IQCH: variants seen among roughly 807,000 people sequenced by gnomAD.
IQCH encodes IQ domain-containing protein H.
A neutral mutation model predicts 117.0 loss-of-function variants in IQCH; 98 were observed. The observed-to-expected ratio is 0.84, with a 90% CI of 0.71 to 0.99. The LOEUF (loss-of-function observed/expected upper bound fraction) is 0.99. IQCH is among the 50% of genes least tolerant of loss of function. The pLI is 0.00. For missense variants in IQCH, 1,102 were observed against 1,243.8 expected, an observed-to-expected ratio of 0.89 and a Z score of 1.72; for synonymous variants, 412 against 448.2, an observed-to-expected ratio of 0.92 and a Z score of 1.02.
intron 5 of IQCH, among the ~76,000 whole-genome samples, chr15:67,339,968 C>G (rs28538466): frequency 0.033 from 5,008 of 151,476 alleles, 119 homozygotes; most frequent in Non-Finnish European, 0.053. Flanking sequence ...GGGTAAATTT[C>G]TCTCTTCTAG....
intron 16 of IQCH, among the ~76,000 whole-genome samples, chr15:67,464,231 G>A (rs1420274087): frequency 6.6e-6 from 1 of 152,194 alleles, no homozygotes; most frequent in Non-Finnish European, 1.5e-5. Context: ...GAGGATGCCA[G>A]GGATGCTTCT....
At chr15:67,470,270 A>G (rs1375901384) in intron 17 of IQCH, among the ~76,000 whole-genome samples, 1 of 152,124 alleles carries the variant, frequency 6.6e-6, no homozygotes, top group African/African-American at 2.4e-5. Flanking sequence ...TCACAGGTTC[A>G]CGCCCAGGTT....
At position 67,465,965 on chromosome 15, in the gene IQCH, G is replaced by A. The variant is rs981039940; in HGVS notation, c.2676+668G>A. Reference sequence around the variant, plus strand: ...CAGCCTAAACAGACACGGCAGCCAAGGTGGCAAGGTGAAAAGCCAGTCTGA... The same window carrying A: ...CAGCCTAAACAGACACGGCAGCCAAAGTGGCAAGGTGAAAAGCCAGTCTGA... On this transcript the variant is annotated intron_variant, in intron 17 of 20. Coordinates refer to ENST00000335894, the MANE Select transcript of IQCH (RefSeq NM_001031715.3). The surrounding 1 kb of genome is among the most constrained non-coding windows in gnomAD (Gnocchi z 5.9). Among the ~76,000 whole-genome samples, 31 of 152,304 alleles carry A rather than the reference G, an allele frequency of 2.0e-4. No individual in the cohort carries two copies. The highest frequency in any genetic ancestry group is 7.5e-4 in the African/African-American group (31 of 41,564).
At chr15:67,264,906 T>C (rs1484826269) in intron 3 of IQCH, among the ~76,000 whole-genome samples, 1 of 151,768 alleles carries the variant, frequency 6.6e-6, no homozygotes, top group Non-Finnish European at 1.5e-5. Context: ...TATATATATA[T>C]ACAAGAGAGC....
chr15:67,372,325 A>C lies in IQCH; in HGVS notation c.968A>C (p.Asn323Thr). ...CCAGAAGTCAAAATAAAAGGGAATA[A>C]TTTGGTGGCCCTCCTTCCAGAGTTT... The part of the protein sequence containing the change: ...AIPEVKIKGN[N>T]LVALLPEFEL... The change falls in exon 9 of 21, where the codon AAT (asparagine) becomes ACT (threonine). Residue 323 changes from asparagine (N) to threonine (T), a missense_variant. Coordinates refer to ENST00000335894, the MANE Select transcript of IQCH (RefSeq NM_001031715.3). The C allele has an allele frequency of 1.9e-6, 3 of 1,614,088 alleles. No individual in the cohort carries two copies. Among genetic ancestry groups the C allele is most frequent in the Non-Finnish European group, 2.5e-6 (3 of 1,180,012 alleles).
At position 67,447,662 on chromosome 15, in the gene IQCH, CAGG is replaced by C. The variant is rs2082421131; in HGVS notation, c.2506-17462_2506-17460del. Among the ~76,000 whole-genome samples, 1 of 152,132 alleles carries C rather than the reference CAGG, an allele frequency of 6.6e-6. No individual in the cohort carries two copies. The highest frequency in any genetic ancestry group is 6.6e-5 in the Admixed American group (1 of 15,258). On this transcript the variant is annotated intron_variant, in intron 16 of 20. Transcript: ENST00000335894. This position sits in a 1 kb window ranked among gnomAD's most constrained non-coding sequence, Gnocchi z 5.3. ...TCCCCTGGGGTGAGCAACTGGAGGA[CAGG>C]AGAAGGTGGAAACATCTGGGACAAA... is the stretch of plus-strand genomic sequence containing the variant.
chr15:67,423,353 C>T (rs2081798188), intron 16 of IQCH, among the ~76,000 whole-genome samples: 1 of 151,904 alleles, frequency 6.6e-6, no homozygotes, highest in Admixed American at 6.6e-5. Context: ...ATCACTTGAC[C>T]CCAGGAGTTC....
At chr15:67,329,048 C>T (rs949934002) in intron 4 of IQCH, among the ~76,000 whole-genome samples, 2 of 152,090 alleles carry the variant, frequency 1.3e-5, no homozygotes, top group African/African-American at 4.8e-5. Context: ...CTTGTAATCC[C>T]AGCACTTTGG....
At chr15:67,283,337 T>A (rs543518120) in intron 4 of IQCH, among the ~76,000 whole-genome samples, 1 of 152,222 alleles carries the variant, frequency 6.6e-6, no homozygotes, top group East Asian at 1.9e-4. Flanking sequence ...ATATGTAGGG[T>A]TTGTGTTGGT....
rs2082693463 is a variant in IQCH, at chr15:67,457,723, G to A, written c.2506-7404G>A. On this transcript the variant is annotated intron_variant, in intron 16 of 20. Transcript: ENST00000335894. The surrounding 1 kb of genome is among the most constrained non-coding windows in gnomAD (Gnocchi z 5.7). ...AGGAAATAGGCCCAGAGAGGGGAAA[G>A]AAGTTGCTTAAGACCACAAGGCCAG... 6.6e-6 allele frequency among the ~76,000 whole-genome samples: 1 copy of A among 152,206 alleles called. No homozygotes were observed. The highest frequency in any genetic ancestry group is 6.5e-5 in the Admixed American group (1 of 15,288).
intron 16 of IQCH, among the ~76,000 whole-genome samples, chr15:67,428,113 A>C (rs982549861): frequency 1.3e-5 from 2 of 152,258 alleles, no homozygotes; most frequent in Non-Finnish European, 2.9e-5. Context: ...GGCGTGAGCC[A>C]CTGCACCTGA....
rs1216284773 is a variant in IQCH at position 67,403,464 on chromosome 15, C to CTA, written c.2097+3159_2097+3160insTA. Among the ~76,000 whole-genome samples, 1 of 152,070 alleles carries CTA rather than the reference C, an allele frequency of 6.6e-6. No individual in the cohort carries two copies. Among genetic ancestry groups the CTA allele is most frequent in the Non-Finnish European group, 1.5e-5 (1 of 68,008 alleles). On this transcript the variant is annotated intron_variant, in intron 14 of 20. Coordinates refer to ENST00000335894, the MANE Select transcript of IQCH (RefSeq NM_001031715.3). This position sits in a 1 kb window ranked among gnomAD's most constrained non-coding sequence, Gnocchi z 4.8. ...AAAATGAAAACAGAACACACTCTAT[C>CTA]ATTTTTTTCTTGGTGACTTGGTACC...
Position 67,457,784 on chromosome 15 carries a change from C to T in IQCH, c.2506-7343C>T, listed in dbSNP as rs1356541061. On this transcript the variant is annotated intron_variant, in intron 16 of 20. Transcript: ENST00000335894. The surrounding 1 kb of genome is among the most constrained non-coding windows in gnomAD (Gnocchi z 5.7). ...GAGGTCCTGTGACTCTGGTCCAGGG[C>T]ACTCTCTGTCCTGAGAAAGCCATCC... Among the ~76,000 whole-genome samples, 1 of 152,206 alleles carries T rather than the reference C, an allele frequency of 6.6e-6. No individual in the cohort carries two copies. The highest frequency in any genetic ancestry group is 2.4e-5 in the African/African-American group (1 of 41,442).
Position 67,496,777 on chromosome 15 carries a change from G to A in IQCH, c.2970+2411G>A, listed in dbSNP as rs1245005969. Among the ~76,000 whole-genome samples the A allele has an allele frequency of 6.6e-6, 1 of 151,994 alleles. No homozygotes were observed. The highest frequency in any genetic ancestry group is 1.5e-5 in the Non-Finnish European group (1 of 67,986). On this transcript the variant is annotated intron_variant, in intron 20 of 20. Transcript: ENST00000335894. The surrounding 1 kb of genome is among the most constrained non-coding windows in gnomAD (Gnocchi z 4.4). ...CTCACGCCTGTAATCCCAGCACTTT[G>A]GGAGGCCGAGGCTGGTGGATCATGA...
intron 14 of IQCH, among the ~76,000 whole-genome samples, chr15:67,409,857 A>G (rs892359781): frequency 1.3e-5 from 2 of 152,248 alleles, no homozygotes; most frequent in African/African-American, 4.8e-5. Flanking sequence ...TTTCCATCTC[A>G]TCGAAGGCAA....
rs1435321019 is a variant in IQCH at position 67,385,181 on chromosome 15, T to TA, written c.1456+168dup. On this transcript the variant is annotated intron_variant, in intron 11 of 20. Coordinates refer to ENST00000335894, the MANE Select transcript of IQCH (RefSeq NM_001031715.3). The surrounding 1 kb of genome is among the most constrained non-coding windows in gnomAD (Gnocchi z 4.6). ...TACAGGGCAATTAAATGTTTTATTT[T>TA]AAAAAACATATTTGTAGTAAAATCA... Among the ~76,000 whole-genome samples the TA allele has an allele frequency of 6.6e-6, 1 of 152,166 alleles. No homozygotes were observed. Among genetic ancestry groups the TA allele is most frequent in the African/African-American group, 2.4e-5 (1 of 41,440 alleles).
At position 67,456,641 on chromosome 15, in the gene IQCH, G is replaced by A. The variant is rs1275715828; in HGVS notation, c.2506-8486G>A. On this transcript the variant is annotated intron_variant, in intron 16 of 20. Transcript: ENST00000335894. The surrounding 1 kb of genome is among the most constrained non-coding windows in gnomAD (Gnocchi z 5.1). The stretch of plus-strand genomic sequence containing the variant: ...TTAGACATAACTGTATTAGTATTGT[G>A]TTGTATCTGACCGACATGTTCTATT... Among the ~76,000 whole-genome samples the A allele has an allele frequency of 2.0e-5, 3 of 152,124 alleles. No homozygotes were observed. Among genetic ancestry groups the A allele is most frequent in the African/African-American group, 4.8e-5 (2 of 41,406 alleles).
intron 1 of IQCH, among the ~76,000 whole-genome samples, chr15:67,260,878 A>T (rs1205388539): frequency 6.6e-6 from 1 of 152,072 alleles, no homozygotes; most frequent in Non-Finnish European, 1.5e-5. Flanking sequence ...TGGGAAGATC[A>T]TGAGGACAGT....
intron 4 of IQCH, among the ~76,000 whole-genome samples, chr15:67,283,350 T>C (rs138739841): frequency 4.7e-4 from 71 of 152,310 alleles, no homozygotes; most frequent in African/African-American, 1.6e-3. Context: ...GTGTTGGTTA[T>C]GAATTTTTTT....
Sources: gnomAD v4.1 joint callset for allele counts (sites outside exome capture counted in the v4.1 genomes callset) on GRCh38, gnomAD v4.1.1 for gene constraint, Gnocchi (gnomAD v3.1) non-coding constraint, MANE v1.5 for transcripts, NCBI Gene and HGNC (gene_info 2026-07-23, HGNC 2026-07-21) for gene names.